The following KCNK16 variants were observed in gnomAD, a reference collection of about 807,000 sequenced individuals.
KCNK16 encodes potassium channel subfamily K member 16.
In KCNK16, 23 loss-of-function variants were observed where a neutral mutation model predicts 23.0. That is an observed-to-expected ratio of 1.00 (90% confidence interval 0.72 to 1.41). KCNK16 has a LOEUF of 1.41. Among genes scored for constraint, KCNK16 ranks in the 40% most tolerant of loss-of-function variants. The probability of loss-of-function intolerance (pLI) is 0.00; values close to 1 mark genes in which losing one functional copy is unlikely to be tolerated. For missense variants in KCNK16, 327 were observed against 365.8 expected (o/e 0.89, Z 0.87); for synonymous variants, 145 against 153.5 (o/e 0.94, Z 0.41).
chr6:39,318,089 C>T (rs1762394756), intron 2 of KCNK16, 137 bp from the exon 3 acceptor site: 1 of 788,632 alleles, frequency 1.3e-6, no homozygotes, highest in Non-Finnish European at 1.9e-6. Context: ...CCCATGAACT[C>T]TGCTGGAATG....
Position 39,316,747 on chromosome 6 carries a change from C to G in KCNK16, c.661+35G>C, listed in dbSNP as rs1762333611. 1.9e-6 allele frequency: 3 copies of G among 1,599,376 alleles called. No individual in the cohort carries two copies. In the African/African-American group the frequency reaches 4.0e-5, roughly 21 times the overall value. On this transcript the variant is annotated intron_variant, in intron 4 of 4. Transcript: ENST00000437525. ...CATCCCCCAAATCCCAGTGGGCACC[C>G]CCACCCTGAGATAATGTGACTGTTT...
At chr6:39,321,809 G>A (rs1562092207) in intron 1 of KCNK16, among the ~76,000 whole-genome samples, 1 of 152,230 alleles carries the variant, frequency 6.6e-6, no homozygotes, top group South Asian at 2.1e-4. Flanking sequence ...GGTGCAAACA[G>A]GCCAGGAAAG....
chr6:39,318,967 C>T (rs376676327), intron 2 of KCNK16, 52 bp downstream of exon 2: 403 of 1,301,308 alleles, frequency 3.1e-4, no homozygotes, highest in Non-Finnish European at 3.7e-4. Flanking sequence ...TTTGGGGAGC[C>T]CAAACTAAGA....
At position 39,322,587 on chromosome 6, in the gene KCNK16, GA is replaced by G; in HGVS notation, c.-48del. 1 of 1,535,254 alleles carries G rather than the reference GA, an allele frequency of 6.5e-7. No individual in the cohort carries two copies. The highest frequency in any genetic ancestry group is 8.7e-7 in the Non-Finnish European group (1 of 1,144,840). On this transcript the variant is annotated 5_prime_UTR_variant, in exon 1 of 5. Transcript: ENST00000437525. ...GGGCCGTGGGGCTGGCTATGGGGGA[GA>G]GGTGGGAAACAGGTGAGGAGTAAGC...
chr6:39,322,713 G>A (rs1762558446), upstream of KCNK16: 13 of 1,055,306 alleles, frequency 1.2e-5, no homozygotes, highest in Non-Finnish European at 1.7e-5. Flanking sequence ...GGCTCAGCTT[G>A]GCTGCACTAA....
downstream of KCNK16, chr6:39,315,527 G>T: frequency 1.7e-6 from 2 of 1,204,996 alleles, no homozygotes; most frequent in Non-Finnish European, 2.3e-6. Context: ...TTCTAGGCAA[G>T]GGGAGCTGGC....
In KCNK16 at chr6:39,319,076, TG is replaced by T. The variant is rs780838431; in HGVS notation, c.270del (p.Ser91AlafsTer19). 2 of 1,614,116 alleles carry T rather than the reference TG, an allele frequency of 1.2e-6. No individual in the cohort carries two copies. Among genetic ancestry groups the T allele is most frequent in the East Asian group, 2.2e-5 (1 of 44,874 alleles). The stretch of plus-strand genomic sequence containing the variant: ...AAACTGCTGCCAAAGTCCCAGTTGC[TG>T]GGGTTGGTAGAGTTGCCTTTGGGGT... ...GVNPKGNSTN[P>X]SNWDFGSSFF... On this transcript the variant is annotated frameshift_variant, in exon 2 of 5. Coordinates refer to ENST00000437525, the MANE Select transcript of KCNK16 (RefSeq NM_001135106.2). LOFTEE classifies it high-confidence loss of function. This position sits in a 1 kb window ranked among gnomAD's most constrained non-coding sequence, Gnocchi z 4.2.
chr6:39,321,709 G>A (rs1389271148), intron 1 of KCNK16, among the ~76,000 whole-genome samples: 3 of 152,246 alleles, frequency 2.0e-5, no homozygotes, highest in Non-Finnish European at 4.4e-5. Flanking sequence ...GGCAGGGGGT[G>A]ACCCACTCTG....
chr6:39,321,310 G>T (rs1762508185), intron 1 of KCNK16, among the ~76,000 whole-genome samples: 1 of 152,238 alleles, frequency 6.6e-6, no homozygotes, highest in African/African-American at 2.4e-5. Flanking sequence ...AAGACCCGGG[G>T]CTCCAGAGCC....
rs1216212273 is a variant in KCNK16 at position 39,317,767 on chromosome 6, A to G, written c.495+19T>C. 3 of 1,555,896 alleles carry G rather than the reference A, an allele frequency of 1.9e-6. No homozygotes were observed. In the African/African-American group the frequency reaches 4.1e-5, roughly 21 times the overall value. On this transcript the variant is annotated intron_variant, in intron 3 of 4. Transcript: ENST00000437525. ...ACAGATCTGTCACAGCAGGCCTGTA[A>G]GGGAGTTAGGGGGCATACCTGGGAG...
rs146841804 is a variant in KCNK16 at position 39,319,746 on chromosome 6, AGTGTGTGT to A, written c.214-621_214-614del. ...GGCCAAGACAAAGGTGGCACGTGTG[AGTGTGTGT>A]GTGTGTGTGTGTGTGTGTGTGGTGG... On this transcript the variant is annotated intron_variant, in intron 1 of 4. Coordinates refer to ENST00000437525, the MANE Select transcript of KCNK16 (RefSeq NM_001135106.2). The surrounding 1 kb of genome is among the most constrained non-coding windows in gnomAD (Gnocchi z 4.2). 8.8e-5 allele frequency among the ~76,000 whole-genome samples: 13 copies of A among 148,374 alleles called. No individual in the cohort carries two copies. In the South Asian group the frequency reaches 1.1e-3, roughly 12 times the overall value.
rs1355745153 is a variant in KCNK16, at chr6:39,319,835, A to C, written c.214-702T>G. On this transcript the variant is annotated intron_variant, in intron 1 of 4. Coordinates refer to ENST00000437525, the MANE Select transcript of KCNK16 (RefSeq NM_001135106.2). The surrounding 1 kb of genome is among the most constrained non-coding windows in gnomAD (Gnocchi z 4.2). ...GTTGTGCATGGCAACTGTATGTTGC[A>C]CATGTGTGCATGTTTGTATGTGTGT... Among the ~76,000 whole-genome samples the C allele has an allele frequency of 7.2e-6, 1 of 138,940 alleles. No homozygotes were observed. The highest frequency in any genetic ancestry group is 7.8e-5 in the Admixed American group (1 of 12,880). The allele number at this position is 138,940 out of a possible 152,430, so 91.2% of individuals were successfully genotyped here.
chr6:39,317,745 G>C, intron 3 of KCNK16, 41 bp downstream of exon 3: 1 of 1,504,964 alleles, frequency 6.6e-7, no homozygotes, highest in Non-Finnish European at 8.9e-7. Context: ...ACTTGCAACA[G>C]ATCTGTCACA....
chr6:39,317,992 A>C, intron 2 of KCNK16, 40 bp from the exon 3 acceptor site: 1 of 1,544,086 alleles, frequency 6.5e-7, no homozygotes, highest in Non-Finnish European at 8.8e-7. Context: ...TGGAGACTCT[A>C]GAACGCCCTC....
At chr6:39,321,165 G>T (rs1362627895) in intron 1 of KCNK16, among the ~76,000 whole-genome samples, 1 of 152,196 alleles carries the variant, frequency 6.6e-6, no homozygotes, top group Non-Finnish European at 1.5e-5. Flanking sequence ...GAGTCGGCAG[G>T]TGCGGAGTGG....
Position 39,322,617 on chromosome 6 carries a change from T to C in KCNK16, c.-77A>G. ...GGGAAACAGGTGAGGAGTAAGCACC[T>C]AGGGGCCTGTGCCCAGGCTGCCGCC... On this transcript the variant is annotated 5_prime_UTR_variant, in exon 1 of 5. Coordinates refer to ENST00000437525, the MANE Select transcript of KCNK16 (RefSeq NM_001135106.2). 6.7e-7 allele frequency: 1 copy of C among 1,493,804 alleles called. No homozygotes were observed. Among genetic ancestry groups the C allele is most frequent in the Non-Finnish European group, 8.9e-7 (1 of 1,125,310 alleles). 92.5% of individuals were successfully genotyped at this position (1,493,804 alleles called of 1,614,324 possible).
chr6:39,317,019 G>C, intron 3 of KCNK16, 72 bp from the exon 4 acceptor site: 1 of 1,481,902 alleles, frequency 6.7e-7, no homozygotes. Context: ...GGGGGAGTCT[G>C]GGGTAAACAT....
At position 39,317,968 on chromosome 6, in the gene KCNK16, G is replaced by A. The variant is rs1384240098; in HGVS notation, c.329-16C>T. 6.3e-7 allele frequency: 1 copy of A among 1,588,980 alleles called. No homozygotes were observed. The highest frequency in any genetic ancestry group is 1.7e-5 in the Admixed American group (1 of 57,342). ...TTCCCATATCCTGCAAGGGAAGGGG[G>A]GCGTGTGCAAATATGGAGACTCTAG... On this transcript the variant is annotated splice_polypyrimidine_tract_variant and intron_variant, in intron 2 of 4. Transcript: ENST00000437525.
rs978860633 is a variant in KCNK16, at chr6:39,319,378, G to C, written c.214-245C>G. Among the ~76,000 whole-genome samples, 1 of 152,202 alleles carries C rather than the reference G, an allele frequency of 6.6e-6. No individual in the cohort carries two copies. Among genetic ancestry groups the C allele is most frequent in the Non-Finnish European group, 1.5e-5 (1 of 68,028 alleles). On this transcript the variant is annotated intron_variant, in intron 1 of 4. Transcript: ENST00000437525. This position sits in a 1 kb window ranked among gnomAD's most constrained non-coding sequence, Gnocchi z 4.2. Reference sequence around the variant, plus strand: ...TGTTCCACTGGCCAGGGCTGACTGAGGTGTGGGCTGCAAGCATGGGCTGGG... The same window carrying C: ...TGTTCCACTGGCCAGGGCTGACTGACGTGTGGGCTGCAAGCATGGGCTGGG...
Sources: allele counts gnomAD v4.1 joint callset (sites outside exome capture counted in the v4.1 genomes callset), GRCh38; gene constraint gnomAD v4.1.1; non-coding constraint Gnocchi (gnomAD v3.1); transcripts MANE v1.5; gene names NCBI Gene and HGNC (gene_info 2026-07-23, HGNC 2026-07-21).